ROBO2: variants seen among roughly 807,000 people sequenced by gnomAD.
The protein encoded by ROBO2 is roundabout homolog 2.
In ROBO2, 53 loss-of-function variants were observed where a neutral mutation model predicts 160.8. The observed-to-expected ratio is 0.33, with a 90% CI of 0.26 to 0.41. ROBO2 has a LOEUF of 0.41. ROBO2 is among the 10% of genes least tolerant of loss of function. The pLI is 1.00. For missense variants in ROBO2, 1,577 were observed against 1,722.4 expected (o/e 0.92, Z 1.49); for synonymous variants, 664 against 611.7 (o/e 1.09, Z -1.26).
At chr3:76,265,878 A>G (rs1278143181) in intron 2 of ROBO2, among the ~76,000 whole-genome samples, 1 of 152,188 alleles carries the variant, frequency 6.6e-6, no homozygotes, top group Non-Finnish European at 1.5e-5. Context: ...CATCACTTTA[A>G]AAGTAACAAG....
intron 2 of ROBO2, among the ~76,000 whole-genome samples, chr3:76,898,377 A>C (rs541079246): frequency 6.6e-6 from 1 of 152,214 alleles, no homozygotes; most frequent in Non-Finnish European, 1.5e-5. Context: ...AATGAGTATT[A>C]ATTTACCTTT....
At chr3:77,251,550 C>G (rs1257889334) in intron 2 of ROBO2, among the ~76,000 whole-genome samples, 1 of 152,140 alleles carries the variant, frequency 6.6e-6, no homozygotes, top group Non-Finnish European at 1.5e-5. Flanking sequence ...TGGCTTTCTT[C>G]TGTCCATGTT....
intron 2 of ROBO2, among the ~76,000 whole-genome samples, chr3:76,241,205 T>C (rs533289083): frequency 1.3e-5 from 2 of 152,226 alleles, no homozygotes; most frequent in African/African-American, 4.8e-5. Context: ...TCTAAAACTT[T>C]AACTCTGTTA....
chr3:76,636,108 T>C (rs530286274), intron 2 of ROBO2, among the ~76,000 whole-genome samples: 45 of 152,220 alleles, frequency 3.0e-4, no homozygotes, highest in Non-Finnish European at 4.8e-4. Context: ...ATAAAAATAA[T>C]GATTATACAT....
At chr3:77,637,393 A>C (rs2095281941) in intron 24 of ROBO2, among the ~76,000 whole-genome samples, 1 of 152,216 alleles carries the variant, frequency 6.6e-6, no homozygotes, top group Non-Finnish European at 1.5e-5. Context: ...TTAAAAAGCC[A>C]AATATATTGT....
At chr3:76,550,800 C>T (rs2083370290) in intron 2 of ROBO2, among the ~76,000 whole-genome samples, 1 of 152,250 alleles carries the variant, frequency 6.6e-6, no homozygotes, top group Non-Finnish European at 1.5e-5. Flanking sequence ...CGGGATGGCA[C>T]TGACATGCCA....
rs577277290 is a variant in ROBO2 at position 77,520,107 on chromosome 3, G to A, written c.807-2668G>A. 2.0e-5 allele frequency among the ~76,000 whole-genome samples: 3 copies of A among 151,390 alleles called. No individual in the cohort carries two copies. In the East Asian group the frequency reaches 5.9e-4, roughly 30 times the overall value. ...TTATTTAGCTTCCGTGTTGTCTTCT[G>A]TGTAATGAATGTCTCTAATGTGAAG... On this transcript the variant is annotated intron_variant, in intron 5 of 25. Coordinates refer to ENST00000461745, the Ensembl canonical transcript of ROBO2.
intron 2 of ROBO2, among the ~76,000 whole-genome samples, chr3:76,947,267 TA>T (rs944296559): frequency 6.6e-6 from 1 of 152,006 alleles, no homozygotes; most frequent in African/African-American, 2.4e-5. Flanking sequence ...ATTCTTTCTA[TA>T]AAAAAACATT....
At chr3:76,961,282 T>A (rs1429491306) in intron 2 of ROBO2, among the ~76,000 whole-genome samples, 1 of 151,060 alleles carries the variant, frequency 6.6e-6, no homozygotes, top group Non-Finnish European at 1.5e-5. Flanking sequence ...TAGTTTAGAT[T>A]TCTTAGCACC....
intron 2 of ROBO2, among the ~76,000 whole-genome samples, chr3:75,989,581 ACTT>A (rs2065508244): frequency 1.3e-5 from 2 of 152,218 alleles, no homozygotes; most frequent in Admixed American, 1.3e-4. Context: ...GAAGTAAATA[ACTT>A]CTTAGGAGTT....
At chr3:76,830,136 A>G (rs1394201125) in intron 2 of ROBO2, among the ~76,000 whole-genome samples, 1 of 152,116 alleles carries the variant, frequency 6.6e-6, no homozygotes, top group African/African-American at 2.4e-5. Flanking sequence ...TAGATTTTAC[A>G]ATGGTTTCCA....
At chr3:76,778,437 G>A (rs7433916) in intron 2 of ROBO2, among the ~76,000 whole-genome samples, 127,535 of 150,874 alleles carry the variant, frequency 0.85, 54,028 homozygotes, top group African/African-American at 0.87. Context: ...CCTGTTCAAT[G>A]TGGTAGATAT....
At chr3:77,574,964 A>G (rs1429051113) in intron 14 of ROBO2, among the ~76,000 whole-genome samples, 1 of 152,130 alleles carries the variant, frequency 6.6e-6, no homozygotes, top group African/African-American at 2.4e-5. Flanking sequence ...CTTATGTTTA[A>G]GTTCACTTGA....
intron 2 of ROBO2, among the ~76,000 whole-genome samples, chr3:76,351,385 C>A (rs762984599): frequency 2.0e-5 from 3 of 151,846 alleles, no homozygotes; most frequent in Non-Finnish European, 4.4e-5. Flanking sequence ...ACCTTTGAGA[C>A]TTTTGGGGCA....
At chr3:77,293,087 A>T (rs62251162) in intron 2 of ROBO2, among the ~76,000 whole-genome samples, 1,599 of 151,498 alleles carry the variant, frequency 0.011, 22 homozygotes, top group African/African-American at 0.029. Context: ...GACATAAAGT[A>T]AAATTGGCGG....
intron 16 of ROBO2, among the ~76,000 whole-genome samples, chr3:77,582,045 A>G (rs2153678001): frequency 6.6e-6 from 1 of 152,210 alleles, no homozygotes; most frequent in East Asian, 1.9e-4. Context: ...GTCTGATATT[A>G]GCATAGCTAC....
At chr3:76,694,306 A>G (rs2092879298) in intron 2 of ROBO2, among the ~76,000 whole-genome samples, 1 of 152,178 alleles carries the variant, frequency 6.6e-6, no homozygotes, top group Non-Finnish European at 1.5e-5. Context: ...TCAGAAAATG[A>G]TGAGTTATAG....
At chr3:76,570,943 A>G (rs1266918644) in intron 2 of ROBO2, among the ~76,000 whole-genome samples, 2 of 152,168 alleles carry the variant, frequency 1.3e-5, no homozygotes, top group East Asian at 3.9e-4. Flanking sequence ...TTCATGTATG[A>G]CAAAACTGTA....
At chr3:77,296,689 GA>G (rs1265921766) in intron 2 of ROBO2, among the ~76,000 whole-genome samples, 2 of 152,114 alleles carry the variant, frequency 1.3e-5, no homozygotes, top group Non-Finnish European at 2.9e-5. Flanking sequence ...TAGGCCGATG[GA>G]AAAGGCCTTG....
Sources: allele counts gnomAD v4.1 joint callset (sites outside exome capture counted in the v4.1 genomes callset), GRCh38; gene constraint gnomAD v4.1.1; transcripts MANE v1.5; gene names NCBI Gene and HGNC (gene_info 2026-07-23, HGNC 2026-07-21).